Variants in GRM1 observed in about 807,000 individuals in gnomAD.
GRM1 encodes the protein glutamate metabotropic receptor 1.
In GRM1, 33 loss-of-function variants were observed where a neutral mutation model predicts 90.9. The ratio of observed to expected loss-of-function variants is 0.36; its 90% CI spans 0.28 to 0.49. The LOEUF is 0.49. Among genes scored for constraint, GRM1 ranks in the 20% least tolerant of loss-of-function variants. GRM1 has a pLI of 0.99. For synonymous variants in GRM1, 700 were observed against 613.2 expected (o/e 1.14, Z -2.09); for missense variants, 1,190 against 1,534.3 (o/e 0.78, Z 3.75).
At chr6:146,195,351 T>A (rs1295022177) in intron 2 of GRM1, among the ~76,000 whole-genome samples, 1 of 152,234 alleles carries the variant, frequency 6.6e-6, no homozygotes, top group Admixed American at 6.5e-5. Context: ...AAATGAGAAC[T>A]TCACAGATAA....
intron 2 of GRM1, among the ~76,000 whole-genome samples, chr6:146,293,692 T>G (rs951602516): frequency 2.0e-5 from 3 of 151,934 alleles, no homozygotes; most frequent in African/African-American, 4.8e-5. Context: ...AACAATTATC[T>G]GTTCTATGAA....
intron 2 of GRM1, among the ~76,000 whole-genome samples, chr6:146,190,361 A>G (rs914487689): frequency 6.6e-6 from 1 of 152,230 alleles, no homozygotes; most frequent in African/African-American, 2.4e-5. Flanking sequence ...ACTAGTAAAC[A>G]TCCTGGGAGT....
chr6:146,164,649 TTGCC>T (rs1777846004), intron 2 of GRM1, among the ~76,000 whole-genome samples: 1 of 152,092 alleles, frequency 6.6e-6, no homozygotes, highest in Non-Finnish European at 1.5e-5. Context: ...AAATGCCTGC[TTGCC>T]TGGTGAGTCA....
intron 1 of GRM1, among the ~76,000 whole-genome samples, chr6:146,048,577 T>A (rs1475701764): frequency 6.6e-6 from 1 of 151,996 alleles, no homozygotes; most frequent in East Asian, 1.9e-4. Context: ...ATACCTGATA[T>A]CTCATAATAT....
chr6:146,042,044 A>G (rs9390371), intron 1 of GRM1, among the ~76,000 whole-genome samples: 69,643 of 151,794 alleles, frequency 0.46, 16,393 homozygotes, highest in African/African-American at 0.54. Flanking sequence ...AGGGCAAAGG[A>G]GGCTTAAGCT....
At chr6:146,053,815 A>G (rs1022856845) in intron 1 of GRM1, among the ~76,000 whole-genome samples, 1 of 152,030 alleles carries the variant, frequency 6.6e-6, no homozygotes, top group African/African-American at 2.4e-5. Context: ...CAAATTTGGG[A>G]CCACTATGTA....
intron 1 of GRM1, among the ~76,000 whole-genome samples, chr6:146,086,372 A>G (rs1285604554): frequency 1.3e-5 from 2 of 152,058 alleles, no homozygotes; most frequent in South Asian, 2.1e-4. Flanking sequence ...CTACAACACA[A>G]CTTTACAACA....
intron 1 of GRM1, among the ~76,000 whole-genome samples, chr6:146,100,947 T>C (rs1777029639): frequency 6.6e-6 from 1 of 152,116 alleles, no homozygotes; most frequent in South Asian, 2.1e-4. Flanking sequence ...AAAAAATGTT[T>C]TTAAAAAGCT....
rs367824974 is a variant in GRM1 at position 146,421,803 on chromosome 6, C to T, written c.2661-12069C>T. Among the ~76,000 whole-genome samples, 196 of 152,002 alleles carry T rather than the reference C, an allele frequency of 1.3e-3. 1 individual carries two copies. Among genetic ancestry groups the T allele is most frequent in the African/African-American group, 4.6e-3 (190 of 41,482 alleles). On this transcript the variant is annotated intron_variant, in intron 7 of 7. Coordinates refer to ENST00000282753, the MANE Select transcript of GRM1 (RefSeq NM_001278064.2). The stretch of plus-strand genomic sequence containing the variant: ...TAAAGAGTTTTAATATACATGCATG[C>T]GTTAAAAGGAAGGGTGGAAAAAATT...
chr6:146,242,779 T>G (rs1213244194), intron 2 of GRM1, among the ~76,000 whole-genome samples: 1 of 152,106 alleles, frequency 6.6e-6, no homozygotes. Flanking sequence ...CTAGAATATT[T>G]TCCCTTTTCC....
intron 2 of GRM1, among the ~76,000 whole-genome samples, chr6:146,206,230 A>G (rs369606164): frequency 2.4e-4 from 36 of 152,148 alleles, no homozygotes; most frequent in African/African-American, 8.7e-4. Flanking sequence ...GGTAAGCCCA[A>G]TGGCTTGTGG....
At chr6:146,419,764 G>A (rs1189671583) in intron 7 of GRM1, among the ~76,000 whole-genome samples, 1 of 152,138 alleles carries the variant, frequency 6.6e-6, no homozygotes, top group Non-Finnish European at 1.5e-5. Context: ...CAAACAACCA[G>A]ATCTCCTGAG....
intron 2 of GRM1, among the ~76,000 whole-genome samples, chr6:146,174,098 T>C (rs1341052621): frequency 1.3e-5 from 2 of 152,130 alleles, no homozygotes; most frequent in Non-Finnish European, 2.9e-5. Flanking sequence ...GAGATAAAAA[T>C]TTCTATACAT....
At chr6:146,122,839 C>CTTTTTTTTTTTTTTTTTTTTTTTTTTT (rs57859188) in intron 1 of GRM1, among the ~76,000 whole-genome samples, 2 of 62,200 alleles carry the variant, frequency 3.2e-5, no homozygotes, top group Non-Finnish European at 5.8e-5. Flanking sequence ...TCTTTTCTTT[C>CTTTTTTTTTTTTTTTTTTTTTTTTTTT]TTTTTTTTTT....
At chr6:146,287,304 AG>A (rs1355173418) in intron 2 of GRM1, among the ~76,000 whole-genome samples, 3 of 152,210 alleles carry the variant, frequency 2.0e-5, no homozygotes, top group African/African-American at 4.8e-5. Flanking sequence ...ATAAGAGGTC[AG>A]GGTCCTAGAT....
At chr6:146,254,782 G>T (rs963444017) in intron 2 of GRM1, among the ~76,000 whole-genome samples, 8 of 152,044 alleles carry the variant, frequency 5.3e-5, no homozygotes, top group Admixed American at 3.3e-4. Flanking sequence ...TTAGTACATT[G>T]TACCAAATAT....
intron 2 of GRM1, among the ~76,000 whole-genome samples, chr6:146,198,544 G>T (rs1413780220): frequency 6.6e-6 from 1 of 152,148 alleles, no homozygotes; most frequent in Non-Finnish European, 1.5e-5. Context: ...AGTAACAATT[G>T]TACACTCAGG....
intron 7 of GRM1, among the ~76,000 whole-genome samples, chr6:146,402,635 G>C (rs896080310): frequency 1.9e-4 from 29 of 152,150 alleles, no homozygotes; most frequent in Non-Finnish European, 3.8e-4. Context: ...CAGTCTGCAT[G>C]TGTAGCTATA....
intron 1 of GRM1, among the ~76,000 whole-genome samples, chr6:146,077,043 T>C (rs1199856832): frequency 6.6e-6 from 1 of 152,170 alleles, no homozygotes; most frequent in Non-Finnish European, 1.5e-5. Context: ...CAGAGACTGA[T>C]AGTAGGATAT....
Sources: allele counts gnomAD v4.1 joint callset (sites outside exome capture counted in the v4.1 genomes callset), GRCh38; gene constraint gnomAD v4.1.1; transcripts MANE v1.5; gene names NCBI Gene and HGNC (gene_info 2026-07-23, HGNC 2026-07-21).